Variants in CLIC5 observed in about 807,000 individuals in gnomAD.
CLIC5 encodes the protein chloride intracellular channel protein 5.
A neutral mutation model predicts 24.7 loss-of-function variants in CLIC5; 20 were observed. That is an observed-to-expected ratio of 0.81 (90% CI 0.57 to 1.18). CLIC5 has a LOEUF of 1.18. CLIC5 is among the 50% of genes most tolerant of loss of function. CLIC5 has a pLI of 0.00. For missense variants in CLIC5, 341 were observed against 326.1 expected (o/e 1.05, Z -0.35); for synonymous variants, 159 against 135.6 (o/e 1.17, Z -1.20).
chr6:46,023,890 CAA>C lies in CLIC5; in HGVS notation c.540+55811_540+55812del, dbSNP rs577419053. ...CAAGATAAATACATATAACAAAATTCAAAAAAAAAAAAAATCCACCCACAACT... is the reference window on the plus strand; with the variant it reads ...CAAGATAAATACATATAACAAAATTCAAAAAAAAAAAATCCACCCACAACT... On this transcript the variant is annotated intron_variant, in intron 1 of 5. Transcript: ENST00000185206. 3.5e-4 allele frequency among the ~76,000 whole-genome samples: 50 copies of C among 141,618 alleles called. No homozygotes were observed. In the East Asian group the frequency reaches 5.3e-3, roughly 15 times the overall value. The allele number at this position is 141,618 out of a possible 152,430, so 92.9% of individuals were successfully genotyped here.
At chr6:45,906,231 T>C (rs1453481431) in intron 5 of CLIC5, among the ~76,000 whole-genome samples, 2 of 152,208 alleles carry the variant, frequency 1.3e-5, no homozygotes, top group Non-Finnish European at 2.9e-5. Flanking sequence ...TAGAATAGTT[T>C]TTTCTAGTTA....
At chr6:46,051,046 T>C (rs1184683968) in intron 1 of CLIC5, among the ~76,000 whole-genome samples, 1 of 152,182 alleles carries the variant, frequency 6.6e-6, no homozygotes, top group African/African-American at 2.4e-5. Context: ...AAAAGATTTT[T>C]CTGTCTGCCT....
At chr6:46,065,089 T>C (rs1411253191) in intron 1 of CLIC5, among the ~76,000 whole-genome samples, 1 of 152,104 alleles carries the variant, frequency 6.6e-6, no homozygotes, top group African/African-American at 2.4e-5. Flanking sequence ...TAAGATCAAA[T>C]GCTAAAATAA....
the CLIC5 span, chr6:46,129,773 C>G: frequency 6.6e-6 from 1 of 152,266 alleles, no homozygotes; most frequent in Non-Finnish European, 1.5e-5. Context: ...GCATCCAGAT[C>G]TAGGATGATA....
intron 1 of CLIC5, among the ~76,000 whole-genome samples, chr6:46,032,236 C>T (rs1767524181): frequency 6.6e-6 from 1 of 152,090 alleles, no homozygotes; most frequent in South Asian, 2.1e-4. Flanking sequence ...GTGCTACACA[C>T]TTTTAAACAA....
At position 45,955,410 on chromosome 6, in the gene CLIC5, G is replaced by A. The variant is rs531003174; in HGVS notation, c.64-166C>T. On this transcript the variant is annotated intron_variant, in intron 1 of 5. Transcript: ENST00000339561. Reference sequence around the variant, plus strand: ...TATTAGTTTTTGCCTTAATGTCCACGCAGGGCAATGCCTGGCAGCATGTAA... The same window carrying A: ...TATTAGTTTTTGCCTTAATGTCCACACAGGGCAATGCCTGGCAGCATGTAA... 3.2e-4 allele frequency among the ~76,000 whole-genome samples: 49 copies of A among 152,346 alleles called. No individual in the cohort carries two copies. The South Asian group carries it at 9.9e-3, about 31-fold the overall frequency.
At chr6:46,046,717 C>A (rs1235651980) in intron 1 of CLIC5, among the ~76,000 whole-genome samples, 2 of 152,174 alleles carry the variant, frequency 1.3e-5, no homozygotes, top group East Asian at 1.9e-4. Context: ...TAAATAGAAG[C>A]CTGTGTCAGC....
At chr6:46,011,980 A>G (rs189916134) in intron 1 of CLIC5, among the ~76,000 whole-genome samples, 1 of 152,314 alleles carries the variant, frequency 6.6e-6, no homozygotes, top group Admixed American at 6.5e-5. Context: ...TATTCAAGTC[A>G]GTGTGTTTAC....
At chr6:45,891,023 T>C (rs1002394272) in intron 6 of CLIC5, among the ~76,000 whole-genome samples, 1 of 152,166 alleles carries the variant, frequency 6.6e-6, no homozygotes, top group African/African-American at 2.4e-5. Flanking sequence ...GCACAACGAT[T>C]ATAGTTAATA....
At chr6:46,120,494 G>T in the CLIC5 span, among the ~76,000 whole-genome samples, 1 of 152,186 alleles carries the variant, frequency 6.6e-6, no homozygotes, top group Non-Finnish European at 1.5e-5. Flanking sequence ...AAACAGAACA[G>T]AAAAACTGAA....
chr6:46,112,444 G>T, the CLIC5 span, among the ~76,000 whole-genome samples: 2 of 151,848 alleles, frequency 1.3e-5, no homozygotes, highest in African/African-American at 2.4e-5. Context: ...CTGTTTTGCC[G>T]CAATCCAAGT....
intron 1 of CLIC5, among the ~76,000 whole-genome samples, chr6:45,982,320 C>G (rs1765594934): frequency 6.6e-6 from 1 of 152,050 alleles, no homozygotes; most frequent in Non-Finnish European, 1.5e-5. Flanking sequence ...GCTTGTTCAT[C>G]TCTAAGGCAT....
chr6:46,016,556 A>G (rs1433631286), upstream of CLIC5, among the ~76,000 whole-genome samples: 1 of 151,178 alleles, frequency 6.6e-6, no homozygotes, highest in African/African-American at 2.4e-5. Flanking sequence ...TTCTTCCTTT[A>G]TTTTCTGATC....
chr6:45,919,286 T>C (rs959721468), intron 4 of CLIC5, among the ~76,000 whole-genome samples: 3 of 152,062 alleles, frequency 2.0e-5, no homozygotes, highest in Non-Finnish European at 4.4e-5. Context: ...ACTGGGGAGA[T>C]GGGGTTTCTG....
At chr6:46,006,000 T>TTATATA (rs1265097108) in intron 1 of CLIC5, among the ~76,000 whole-genome samples, 1 of 106,164 alleles carries the variant, frequency 9.4e-6, no homozygotes, top group Admixed American at 1.0e-4. Flanking sequence ...ATATATATAT[T>TTATATA]TATATATATA....
the CLIC5 span, among the ~76,000 whole-genome samples, chr6:46,103,318 C>A: frequency 6.6e-6 from 1 of 152,120 alleles, no homozygotes; most frequent in Non-Finnish European, 1.5e-5. Context: ...TGACATACTT[C>A]GAGGTGGGGT....
intron 1 of CLIC5, among the ~76,000 whole-genome samples, chr6:46,034,973 C>T (rs932878776): frequency 1.3e-5 from 2 of 152,204 alleles, no homozygotes; most frequent in Non-Finnish European, 2.9e-5. Flanking sequence ...AATAGAGCTA[C>T]TAATACTTCA....
At chr6:45,916,993 C>A (rs1247187367) in intron 4 of CLIC5, among the ~76,000 whole-genome samples, 4 of 152,190 alleles carry the variant, frequency 2.6e-5, no homozygotes, top group African/African-American at 9.7e-5. Context: ...GTGTTTAAAT[C>A]TCAAGGCCGC....
upstream of CLIC5, among the ~76,000 whole-genome samples, chr6:46,084,908 C>T (rs1445207816): frequency 2.0e-5 from 3 of 152,222 alleles, no homozygotes; most frequent in Non-Finnish European, 4.4e-5. Context: ...CTTTCAGGTA[C>T]ACCAATCAGA....
Sources: gnomAD v4.1 joint callset for allele counts (sites outside exome capture counted in the v4.1 genomes callset) on GRCh38, gnomAD v4.1.1 for gene constraint, MANE v1.5 for transcripts, NCBI Gene and HGNC (gene_info 2026-07-23, HGNC 2026-07-21) for gene names.